BRIP1: variants seen among roughly 807,000 people sequenced by gnomAD.
The protein encoded by BRIP1 is Fanconi anemia group J protein.
A neutral mutation model predicts 119.7 loss-of-function variants in BRIP1; 88 were observed. The observed-to-expected ratio is 0.74, with a 90% CI of 0.62 to 0.88. The LOEUF (loss-of-function observed/expected upper bound fraction) is 0.88, where lower values mean the gene tolerates loss of function less well. Ranked by LOEUF, BRIP1 falls within the 40% of genes least tolerant of loss-of-function variation. The probability of loss-of-function intolerance (pLI) is 0.00; values close to 1 mark genes in which losing one functional copy is unlikely to be tolerated. For missense variants in BRIP1, 1,259 were observed against 1,455.4 expected, an observed-to-expected ratio of 0.87 and a Z score of 2.20; for synonymous variants, 443 against 496.5, an observed-to-expected ratio of 0.89 and a Z score of 1.43.
intron 6 of BRIP1, among the ~76,000 whole-genome samples, chr17:61,839,999 G>T: frequency 6.6e-6 from 1 of 152,160 alleles, no homozygotes; most frequent in East Asian, 1.9e-4. Context: ...GGGCACAGTA[G>T]ATGTGCTTAT....
rs748215274 is a variant in BRIP1 at position 61,690,193 on chromosome 17, G to A, written c.2575+3237C>T. On this transcript the variant is annotated intron_variant, in intron 18 of 19. Coordinates refer to ENST00000259008, the MANE Select transcript of BRIP1 (RefSeq NM_032043.3). The surrounding 1 kb of genome is among the most constrained non-coding windows in gnomAD (Gnocchi z 5.6). ...AAGCTGAGGGACTTCACCACTAAAC[G>A]TGCCTTACAAGATATGCTAAAGGAA... Among the ~76,000 whole-genome samples the A allele has an allele frequency of 2.0e-5, 3 of 152,258 alleles. No homozygotes were observed. Among genetic ancestry groups the A allele is most frequent in the African/African-American group, 7.2e-5 (3 of 41,544 alleles).
At chr17:61,820,820 T>C (rs551899630) in intron 6 of BRIP1, among the ~76,000 whole-genome samples, 6 of 151,942 alleles carry the variant, frequency 3.9e-5, no homozygotes, top group African/African-American at 7.2e-5. Context: ...CGTGGTGGCA[T>C]GCACCTGTAA....
chr17:61,856,379 G>A lies in BRIP1; in HGVS notation c.379+679C>T, dbSNP rs572912728. On this transcript the variant is annotated intron_variant, in intron 4 of 19. Transcript: ENST00000259008. The surrounding 1 kb of genome is among the most constrained non-coding windows in gnomAD (Gnocchi z 5.1). The stretch of plus-strand genomic sequence containing the variant: ...AGCATGAGTAAAAGCAGAAAAAAGC[G>A]TTATTGGATGCTCTAAACAAGAAAT... 5.3e-5 allele frequency among the ~76,000 whole-genome samples: 8 copies of A among 152,300 alleles called. No homozygotes were observed. Among genetic ancestry groups the A allele is most frequent in the South Asian group, 4.1e-4 (2 of 4,832 alleles).
intron 10 of BRIP1, among the ~76,000 whole-genome samples, chr17:61,788,710 C>T (rs1265615251): frequency 6.6e-6 from 1 of 152,110 alleles, no homozygotes; most frequent in East Asian, 1.9e-4. Flanking sequence ...AATCCCAGTG[C>T]TTCAGGAGGC....
At chr17:61,829,843 T>G (rs756368142) in intron 6 of BRIP1, among the ~76,000 whole-genome samples, 1 of 151,832 alleles carries the variant, frequency 6.6e-6, no homozygotes, top group Non-Finnish European at 1.5e-5. Context: ...AAGAAGTGCT[T>G]AGAGGGAAAT....
chr17:61,848,787 G>A lies in BRIP1; in HGVS notation c.507+342C>T, dbSNP rs180718389. 4.1e-4 allele frequency among the ~76,000 whole-genome samples: 63 copies of A among 152,200 alleles called. No homozygotes were observed. The highest frequency in any genetic ancestry group is 7.2e-4 in the Non-Finnish European group (49 of 68,002). Reference sequence around the variant, plus strand: ...GAATAATCATATCAAAGGTATTTTAGCCAAAAGGAAATGCTATTTTAAGAT... The same window carrying A: ...GAATAATCATATCAAAGGTATTTTAACCAAAAGGAAATGCTATTTTAAGAT... On this transcript the variant is annotated intron_variant, in intron 5 of 19. Coordinates refer to ENST00000259008, the MANE Select transcript of BRIP1 (RefSeq NM_032043.3). The surrounding 1 kb of genome is among the most constrained non-coding windows in gnomAD (Gnocchi z 4.3).
chr17:61,754,976 A>G lies in BRIP1; in HGVS notation c.2098-10385T>C, dbSNP rs1300342475. On this transcript the variant is annotated intron_variant, in intron 14 of 19. Transcript: ENST00000259008. This position sits in a 1 kb window ranked among gnomAD's most constrained non-coding sequence, Gnocchi z 4.1. ...AACATAAAAAATTTGGTGGTATACAAACATTCAGTCCATAATATCATCTAA... is the reference window on the plus strand; with the variant it reads ...AACATAAAAAATTTGGTGGTATACAGACATTCAGTCCATAATATCATCTAA... 1.3e-5 allele frequency among the ~76,000 whole-genome samples: 2 copies of G among 152,186 alleles called. No individual in the cohort carries two copies. The highest frequency in any genetic ancestry group is 4.8e-5 in the African/African-American group (2 of 41,452).
intron 16 of BRIP1, among the ~76,000 whole-genome samples, chr17:61,732,332 A>G (rs370757040): frequency 1.1e-4 from 17 of 152,238 alleles, no homozygotes; most frequent in African/African-American, 3.4e-4. Context: ...CTAACCTCTG[A>G]TGAGGCCATT....
At chr17:61,765,107 C>T (rs1195838836) in intron 14 of BRIP1, among the ~76,000 whole-genome samples, 1 of 151,474 alleles carries the variant, frequency 6.6e-6, no homozygotes, top group East Asian at 1.9e-4. Flanking sequence ...CAACTTGATA[C>T]TTGGACTTCT....
Position 61,791,488 on chromosome 17 carries a change from C to CAAA in BRIP1, c.1473+2106_1473+2108dup, listed in dbSNP as rs529710126. 6.2e-4 allele frequency among the ~76,000 whole-genome samples: 33 copies of CAAA among 52,904 alleles called. 1 individual carries two copies. Among genetic ancestry groups the CAAA allele is most frequent in the African/African-American group, 9.9e-4 (12 of 12,130 alleles). 34.7% of individuals were successfully genotyped at this position (52,904 alleles called of 152,430 possible). ...TGGGCAACAGAGTGAGACTTCATCT[C>CAAA]AAAAAAAAAAAAAAAAAAAAAAGAA... On this transcript the variant is annotated intron_variant, in intron 10 of 19. Transcript: ENST00000259008.
rs990012055 is a variant in BRIP1 at position 61,810,798 on chromosome 17, A to G, written c.628-2041T>C. On this transcript the variant is annotated intron_variant, in intron 6 of 19. Transcript: ENST00000259008. The surrounding 1 kb of genome is among the most constrained non-coding windows in gnomAD (Gnocchi z 4.7). ...TCAACTATCCCATCACGAATAATTT[A>G]GTGTATAACTTACTGACCTTCATAT... Among the ~76,000 whole-genome samples, 8 of 152,208 alleles carry G rather than the reference A, an allele frequency of 5.3e-5. No homozygotes were observed. The highest frequency in any genetic ancestry group is 5.2e-4 in the Admixed American group (8 of 15,282).
intron 14 of BRIP1, among the ~76,000 whole-genome samples, chr17:61,766,783 G>A (rs559343035): frequency 3.3e-5 from 5 of 151,820 alleles, no homozygotes; most frequent in Non-Finnish European, 5.9e-5. Context: ...TTTTTAAGTC[G>A]AAGTCTGTAT....
chr17:61,680,475 A>C lies in BRIP1; in HGVS notation c.*2821T>G. ...CATGTAGTTTACCAATTCTAAAGGTAATTTCTTTTTTTTTTTTTTTTTGAG... is the reference window on the plus strand; with the variant it reads ...CATGTAGTTTACCAATTCTAAAGGTCATTTCTTTTTTTTTTTTTTTTTGAG... On this transcript the variant is annotated 3_prime_UTR_variant, in exon 20 of 20. Coordinates refer to ENST00000259008, the MANE Select transcript of BRIP1 (RefSeq NM_032043.3). Among the ~76,000 whole-genome samples, 1 of 92,376 alleles carries C rather than the reference A, an allele frequency of 1.1e-5. No homozygotes were observed. The allele number at this position is 92,376 out of a possible 152,430, so 60.6% of individuals were successfully genotyped here. A position where few individuals can be genotyped will look rare whatever the true frequency, so the allele number is the denominator to read the frequency against.
At chr17:61,818,395 T>C (rs2145506866) in intron 6 of BRIP1, among the ~76,000 whole-genome samples, 1 of 152,266 alleles carries the variant, frequency 6.6e-6, no homozygotes, top group South Asian at 2.1e-4. Flanking sequence ...CTCTCAGGCA[T>C]AGCAAGATCA....
chr17:61,690,294 A>G lies in BRIP1; in HGVS notation c.2575+3136T>C, dbSNP rs2061428862. 6.6e-6 allele frequency among the ~76,000 whole-genome samples: 1 copy of G among 152,232 alleles called. No individual in the cohort carries two copies. The highest frequency in any genetic ancestry group is 1.5e-5 in the Non-Finnish European group (1 of 68,026). ...GTGTACACAAATACAGAATACTTTA[A>G]TATAACAACAGTGATACATAAATAA... On this transcript the variant is annotated intron_variant, in intron 18 of 19. Transcript: ENST00000259008. This position sits in a 1 kb window ranked among gnomAD's most constrained non-coding sequence, Gnocchi z 5.6.
rs113697814 is a variant in BRIP1, at chr17:61,685,848, T to G, written c.2893A>C (p.Arg965=). ...GAACTTTTCATACTTTTCTCCTTTCTGGAGATAATGCTACTTGGTAGAGGT... is the reference window on the plus strand; with the variant it reads ...GAACTTTTCATACTTTTCTCCTTTCGGGAGATAATGCTACTTGGTAGAGGT... ...NSPLPSSIIS[R]KEKNDPVFLE... Residue 965 remains arginine, a synonymous_variant, in exon 19 of 20, where the codon AGA becomes CGA. Coordinates refer to ENST00000259008, the MANE Select transcript of BRIP1 (RefSeq NM_032043.3). 6 of 1,609,832 alleles carry G rather than the reference T, an allele frequency of 3.7e-6. No homozygotes were observed. The African/African-American group carries it at 4.0e-5, about 11-fold the overall frequency.
At chr17:61,766,438 C>A (rs1278845770) in intron 14 of BRIP1, among the ~76,000 whole-genome samples, 1 of 152,090 alleles carries the variant, frequency 6.6e-6, no homozygotes, top group Non-Finnish European at 1.5e-5. Context: ...AAAAATATTT[C>A]TTCAAAAGGC....
Position 61,824,586 on chromosome 17 carries a change from GC to G in BRIP1, c.628-15830del, listed in dbSNP as rs1215828540. Among the ~76,000 whole-genome samples, 1 of 150,574 alleles carries G rather than the reference GC, an allele frequency of 6.6e-6. No homozygotes were observed. Among genetic ancestry groups the G allele is most frequent in the Non-Finnish European group, 1.5e-5 (1 of 67,546 alleles). ...AAGAACAGTTTTTTCAACAAATGGT[GC>G]AGGGAAACCTGGATATCTACACACA... On this transcript the variant is annotated intron_variant, in intron 6 of 19. Transcript: ENST00000259008. This position sits in a 1 kb window ranked among gnomAD's most constrained non-coding sequence, Gnocchi z 4.3.
intron 10 of BRIP1, among the ~76,000 whole-genome samples, chr17:61,785,928 T>TG (rs34801622): frequency 0.2 from 30,138 of 151,124 alleles, 3,677 homozygotes; most frequent in Admixed American, 0.36. Flanking sequence ...GCAGCTGGGT[T>TG]GGGGGGGGTA....
Sources: gnomAD v4.1 joint callset for allele counts (sites outside exome capture counted in the v4.1 genomes callset) on GRCh38, gnomAD v4.1.1 for gene constraint, Gnocchi (gnomAD v3.1) non-coding constraint, MANE v1.5 for transcripts, NCBI Gene and HGNC (gene_info 2026-07-23, HGNC 2026-07-21) for gene names.